FDFT1: variants seen among roughly 807,000 people sequenced by gnomAD.
FDFT1 encodes the protein farnesyl-diphosphate farnesyltransferase 1, also known as squalene synthase.
Under a neutral mutation model 46.8 loss-of-function variants are expected in FDFT1, and 68 were observed. That is an observed-to-expected ratio of 1.45 (90% CI 1.19 to 1.78). The LOEUF (loss-of-function observed/expected upper bound fraction) is 1.78. Ranked by LOEUF, FDFT1 falls within the 40% of genes most tolerant of loss-of-function variation. FDFT1 has a pLI of 0.00. For synonymous variants in FDFT1, 351 were observed against 185.1 expected, an observed-to-expected ratio of 1.90 and a Z score of -7.28; for missense variants, 928 against 524.4, an observed-to-expected ratio of 1.77 and a Z score of -7.52.
At chr8:11,796,202 T>G (rs1673485578) in intron 1 of FDFT1, among the ~76,000 whole-genome samples, 1 of 151,920 alleles carries the variant, frequency 6.6e-6, no homozygotes, top group African/African-American at 2.4e-5. Context: ...GTAATGGGAG[T>G]ATGTAAAGTG....
At chr8:11,800,155 G>T (rs1336735365), upstream of FDFT1, among the ~76,000 whole-genome samples, 1 of 149,554 alleles carries the variant, frequency 6.7e-6, no homozygotes, top group African/African-American at 2.5e-5. Flanking sequence ...CAGCTACTCG[G>T]GAGGCTGAGG....
chr8:11,826,633 G>C (rs1810034228), intron 5 of FDFT1, among the ~76,000 whole-genome samples: 1 of 152,180 alleles, frequency 6.6e-6, no homozygotes, highest in Non-Finnish European at 1.5e-5. Flanking sequence ...GGCCAACATC[G>C]TGAAACCCCG....
Position 11,838,702 on chromosome 8 carries a change from C to G in FDFT1, c.*93C>G. The stretch of plus-strand genomic sequence containing the variant: ...TTGTGTTCTCTTTATTTTTTTCCTA[C>G]TACTTTAATCCCTAAAAGAACGCTG... On this transcript the variant is annotated 3_prime_UTR_variant, in exon 8 of 8. Coordinates refer to ENST00000220584, the MANE Select transcript of FDFT1 (RefSeq NM_004462.5). The G allele has an allele frequency of 1.0e-6, 1 of 993,984 alleles. No individual in the cohort carries two copies. The highest frequency in any genetic ancestry group is 1.6e-6 in the Non-Finnish European group (1 of 634,660). The allele number at this position is 993,984 out of a possible 1,614,324, so 61.6% of individuals were successfully genotyped here. A position where few individuals can be genotyped will look rare whatever the true frequency, so the allele number is the denominator to read the frequency against.
chr8:11,824,936 C>T lies in FDFT1; in HGVS notation c.511-1088C>T, dbSNP rs562383347. Among the ~76,000 whole-genome samples, 11 of 152,096 alleles carry T rather than the reference C, an allele frequency of 7.2e-5. No individual in the cohort carries two copies. The East Asian group carries it at 1.7e-3, about 24-fold the overall frequency. On this transcript the variant is annotated intron_variant, in intron 4 of 7. Coordinates refer to ENST00000220584, the MANE Select transcript of FDFT1 (RefSeq NM_004462.5). The stretch of plus-strand genomic sequence containing the variant: ...ATTTTTAGTAGAGACGGGGTTTCAC[C>T]GTCTTAGCCAGGATGGTCTTGATCT...
chr8:11,826,262 C>T (rs774017324), intron 5 of FDFT1, 47 bp downstream of exon 5: 2 of 1,365,234 alleles, frequency 1.5e-6, no homozygotes, highest in African/African-American at 1.4e-5. Context: ...TAGACATTCT[C>T]TGAAAAATCC....
rs761503754 is a variant in FDFT1, at chr8:11,802,878, C to A, written c.46C>A (p.Leu16Met). Reference sequence around the variant, plus strand: ...TGGCCACCCCGAAGAGTTCTACAACCTGGTGCGCTTCCGGATCGGGGGCAA... The same window carrying A: ...TGGCCACCCCGAAGAGTTCTACAACATGGTGCGCTTCCGGATCGGGGGCAA... ...CLGHPEEFYNLVRFRIGGKRK... is the reference protein window; with the variant it reads ...CLGHPEEFYNMVRFRIGGKRK... The change falls in exon 1 of 8, where the codon CTG becomes ATG. Residue 16 changes from leucine to methionine, a missense_variant. By Grantham distance (15) the Leu-to-Met change is conservative. Transcript: ENST00000220584. 3.7e-6 allele frequency: 6 copies of A among 1,612,470 alleles called. No homozygotes were observed.
chr8:11,805,527 T>G (rs1208155782), intron 1 of FDFT1, among the ~76,000 whole-genome samples: 1 of 152,224 alleles, frequency 6.6e-6, no homozygotes, highest in Non-Finnish European at 1.5e-5. Context: ...CTGACGCTAT[T>G]AAGTTAGGTG....
At chr8:11,835,497 CTTAAT>C (rs1342928734) in intron 7 of FDFT1, among the ~76,000 whole-genome samples, 1 of 152,176 alleles carries the variant, frequency 6.6e-6, no homozygotes, top group African/African-American at 2.4e-5. Context: ...CAAGATTTCT[CTTAAT>C]TTATTCACCT....
At chr8:11,803,806 AAAAT>A (rs1193565522) in intron 1 of FDFT1, 2 of 160,838 alleles carry the variant, frequency 1.2e-5, no homozygotes, top group African/African-American at 4.8e-5. Flanking sequence ...AACACACTAG[AAAAT>A]AAATTTCTGG....
intron 3 of FDFT1, among the ~76,000 whole-genome samples, chr8:11,816,292 C>T (rs1021793972): frequency 2.0e-5 from 3 of 152,140 alleles, no homozygotes; most frequent in African/African-American, 4.8e-5. Context: ...AGTTTGAAGT[C>T]AGGTAGCGTG....
intron 3 of FDFT1, among the ~76,000 whole-genome samples, chr8:11,813,323 T>C (rs993404109): frequency 1.3e-5 from 2 of 152,254 alleles, no homozygotes; most frequent in Non-Finnish European, 2.9e-5. Context: ...TTTTAAATGA[T>C]AATAGCAATA....
At chr8:11,815,093 C>T (rs1472706215) in intron 3 of FDFT1, among the ~76,000 whole-genome samples, 1 of 152,124 alleles carries the variant, frequency 6.6e-6, no homozygotes, top group Admixed American at 6.5e-5. Flanking sequence ...TGTTCAACTC[C>T]CACTTAGGAG....
In FDFT1 at chr8:11,802,766, C is replaced by A; in HGVS notation, c.-67C>A. 1 of 1,295,788 alleles carries A rather than the reference C, an allele frequency of 7.7e-7. No individual in the cohort carries two copies. The highest frequency in any genetic ancestry group is 2.4e-5 in the East Asian group (1 of 41,160). 80.3% of individuals were successfully genotyped at this position (1,295,788 alleles called of 1,614,324 possible). A position where few individuals can be genotyped will look rare whatever the true frequency, so the allele number is the denominator to read the frequency against. On this transcript the variant is annotated 5_prime_UTR_variant, in exon 1 of 8. Coordinates refer to ENST00000220584, the MANE Select transcript of FDFT1 (RefSeq NM_004462.5). ...GAAGCACCTACTCCACAGGTCCAGC[C>A]GGCCGGTGAGCGCCTGGGGACCGCA... is the stretch of plus-strand genomic sequence containing the variant.
chr8:11,804,189 G>T (rs977916411), intron 1 of FDFT1, among the ~76,000 whole-genome samples: 4 of 152,216 alleles, frequency 2.6e-5, no homozygotes, highest in Non-Finnish European at 4.4e-5. Context: ...AGTTTTTCAC[G>T]TGGAGAAAAG....
chr8:11,804,306 G>C (rs926291739), intron 1 of FDFT1, among the ~76,000 whole-genome samples: 1 of 152,218 alleles, frequency 6.6e-6, no homozygotes, highest in African/African-American at 2.4e-5. Flanking sequence ...CAGAAAGACT[G>C]TTAGAGAAAA....
rs372470697 is a variant in FDFT1, at chr8:11,816,215, C to T, written c.382-5535C>T. ...TTATTTCTGAGGCCTCTGTTCCGTT[C>T]CATTGGTGTACATATCTGTTTTGGT... On this transcript the variant is annotated intron_variant, in intron 3 of 7. Transcript: ENST00000220584. Among the ~76,000 whole-genome samples the T allele has an allele frequency of 3.5e-4, 53 of 152,300 alleles. 1 individual carries two copies. Among genetic ancestry groups the T allele is most frequent in the African/African-American group, 1.1e-3 (47 of 41,554 alleles).
In FDFT1 at chr8:11,803,719, G is replaced by C. The variant is rs1389452335; in HGVS notation, c.99+788G>C. 4 of 222,932 alleles carry C rather than the reference G, an allele frequency of 1.8e-5. No homozygotes were observed. In the South Asian group the frequency reaches 2.2e-4, roughly 12 times the overall value. The allele number at this position is 222,932 out of a possible 1,614,324, so 13.8% of individuals were successfully genotyped here. A position where few individuals can be genotyped will look rare whatever the true frequency, so the allele number is the denominator to read the frequency against. Reference sequence around the variant, plus strand: ...ACTTTTTTGGGCCAACAGGACAGTAGCAAATGTGACTCAGGCCGAGGCTTG... The same window carrying C: ...ACTTTTTTGGGCCAACAGGACAGTACCAAATGTGACTCAGGCCGAGGCTTG... On this transcript the variant is annotated intron_variant, in intron 1 of 7. Coordinates refer to ENST00000220584, the MANE Select transcript of FDFT1 (RefSeq NM_004462.5).
intron 2 of FDFT1, 137 bp downstream of exon 2, chr8:11,809,028 C>T (rs548544951): frequency 7.2e-7 from 1 of 1,389,598 alleles, no homozygotes. Context: ...TAGCCCGGCC[C>T]TACGTGTTTA....
chr8:11,807,535 A>C (rs1807020779), intron 1 of FDFT1, among the ~76,000 whole-genome samples: 1 of 152,102 alleles, frequency 6.6e-6, no homozygotes. Flanking sequence ...GAGGGAAGGG[A>C]CAAATAGGAA....
Sources: allele counts gnomAD v4.1 joint callset (sites outside exome capture counted in the v4.1 genomes callset), GRCh38; gene constraint gnomAD v4.1.1; transcripts MANE v1.5; gene names NCBI Gene and HGNC (gene_info 2026-07-23, HGNC 2026-07-21).